Variants in DIABLO observed in about 807,000 individuals in gnomAD.
DIABLO encodes the protein diablo IAP-binding mitochondrial protein.
In DIABLO, 32 loss-of-function variants were observed where a neutral mutation model predicts 31.7. That is an observed-to-expected ratio of 1.01 (90% CI 0.76 to 1.35). The LOEUF (loss-of-function observed/expected upper bound fraction) is 1.35. Among genes scored for constraint, DIABLO ranks in the 40% most tolerant of loss-of-function variants. DIABLO has a pLI of 0.00. For missense variants in DIABLO, 316 were observed against 286.4 expected (o/e 1.10, Z -0.75); for synonymous variants, 132 against 103.2 (o/e 1.28, Z -1.69).
In DIABLO at chr12:122,209,482, G is replaced by A. The variant is rs370151957; in HGVS notation, c.524-905C>T. Among the ~76,000 whole-genome samples, 10 of 152,256 alleles carry A rather than the reference G, an allele frequency of 6.6e-5. 1 individual carries two copies. The South Asian group carries it at 1.5e-3, about 22-fold the overall frequency. On this transcript the variant is annotated intron_variant, in intron 5 of 5. Transcript: ENST00000464942. ...AGTTCAAGACCAGCCTGGGTAACAC[G>A]GTGAAACCCCGTTTCTACTAAAATA...
chr12:122,224,416 G>C, intron 2 of DIABLO, 96 bp downstream of exon 2: 3 of 1,599,462 alleles, frequency 1.9e-6, no homozygotes, highest in Non-Finnish European at 2.6e-6. Context: ...GGGAGCACTG[G>C]GAAAAACTAT....
At chr12:122,221,515 C>A (rs1340667603) in intron 2 of DIABLO, 1 of 152,142 alleles carries the variant, frequency 6.6e-6, no homozygotes, top group East Asian at 1.9e-4. Context: ...ATCAAATCAT[C>A]CTCCTGCCTC....
chr12:122,217,251 G>C (rs572148116), intron 3 of DIABLO: 1 of 290,044 alleles, frequency 3.4e-6, no homozygotes, highest in African/African-American at 2.2e-5. Context: ...AGTGGCTCAT[G>C]CCTGTAATCC....
In DIABLO at chr12:122,208,810, A is replaced by G. The variant is rs545040398; in HGVS notation, c.524-233T>C. 32 of 631,128 alleles carry G rather than the reference A, an allele frequency of 5.1e-5. No homozygotes were observed. In the East Asian group the frequency reaches 1.1e-3, roughly 21 times the overall value. The allele number at this position is 631,128 out of a possible 1,614,324, so 39.1% of individuals were successfully genotyped here. On this transcript the variant is annotated intron_variant, in intron 5 of 5. Coordinates refer to ENST00000464942, the MANE Select transcript of DIABLO (RefSeq NM_001371333.1). The stretch of plus-strand genomic sequence containing the variant: ...TCTTCAGCTGTCAGCGGCCAACATC[A>G]CAATTATTAAATGCAACTCTCACAA...
chr12:122,209,680 G>C (rs945210004), intron 5 of DIABLO: 1 of 672,684 alleles, frequency 1.5e-6, no homozygotes. Context: ...AAAAAAAAAT[G>C]AGCTCTCTCA....
rs878899967 is a variant in DIABLO at position 122,208,334 on chromosome 12, C to T, written c.*47G>A. ...AACCCTGGGCAGGGTGGCATCTGCC[C>T]CTGCTTTCCCCACTGAGTGGGGAGA... On this transcript the variant is annotated 3_prime_UTR_variant, in exon 6 of 6. Transcript: ENST00000464942. 1.2e-5 allele frequency: 19 copies of T among 1,605,622 alleles called. No homozygotes were observed. The South Asian group carries it at 2.0e-4, about 17-fold the overall frequency.
At chr12:122,213,367 C>T (rs549240213) in intron 5 of DIABLO, among the ~76,000 whole-genome samples, 2 of 151,804 alleles carry the variant, frequency 1.3e-5, no homozygotes, top group African/African-American at 2.4e-5. Flanking sequence ...CTGTCTCTAC[C>T]GGAAACATAT....
At chr12:122,214,096 A>G (rs963771413) in intron 5 of DIABLO, among the ~76,000 whole-genome samples, 1 of 152,116 alleles carries the variant, frequency 6.6e-6, no homozygotes, top group African/African-American at 2.4e-5. Context: ...AAAACAAACA[A>G]ACAAAAAAAC....
chr12:122,222,893 C>T (rs1156640141), intron 2 of DIABLO, among the ~76,000 whole-genome samples: 1 of 152,078 alleles, frequency 6.6e-6, no homozygotes, highest in Middle Eastern at 3.2e-3. Context: ...CAGCTTGCTT[C>T]CTAACAGGCC....
rs193228217 is a variant in DIABLO at position 122,222,476 on chromosome 12, G to A, written c.183+2036C>T. ...AAATTAGCAGGGTGTGGTGGCGGGC[G>A]CCTGTAGTCCCAGCTACTCGGGAGG... On this transcript the variant is annotated intron_variant, in intron 2 of 5. Transcript: ENST00000464942. 3.3e-3 allele frequency: 505 copies of A among 151,646 alleles called. 10 individuals carry two copies. Among genetic ancestry groups the A allele is most frequent in the Admixed American group, 0.029 (444 of 15,132 alleles). 9.4% of individuals were successfully genotyped at this position (151,646 alleles called of 1,614,324 possible).
upstream of DIABLO, chr12:122,226,300 A>G (rs751358863): frequency 1.4e-4 from 95 of 672,884 alleles, no homozygotes; most frequent in Non-Finnish European, 1.6e-4. Context: ...GGGCGCCGTG[A>G]CGCTGGCGGG....
At chr12:122,216,235 T>C (rs1184719913) in intron 5 of DIABLO, among the ~76,000 whole-genome samples, 5 of 152,254 alleles carry the variant, frequency 3.3e-5, no homozygotes. Flanking sequence ...CCAATGGTAA[T>C]AGTTTTATCA....
At chr12:122,210,630 T>TG (rs1954064896) in intron 5 of DIABLO, among the ~76,000 whole-genome samples, 1 of 149,918 alleles carries the variant, frequency 6.7e-6, no homozygotes, top group Admixed American at 6.6e-5. Flanking sequence ...CCACCCGCCT[T>TG]GGCCTCCCAA....
At chr12:122,226,922 C>A (rs1276669301), upstream of DIABLO, among the ~76,000 whole-genome samples, 3 of 152,226 alleles carry the variant, frequency 2.0e-5, no homozygotes, top group Non-Finnish European at 4.4e-5. Flanking sequence ...GTAAACCTTT[C>A]TTTTCCCGTC....
At chr12:122,210,518 G>A (rs957670092) in intron 5 of DIABLO, among the ~76,000 whole-genome samples, 1 of 151,620 alleles carries the variant, frequency 6.6e-6, no homozygotes, top group Non-Finnish European at 1.5e-5. Flanking sequence ...GACTACAGGT[G>A]CCCACCACCA....
upstream of DIABLO, chr12:122,226,214 C>T: frequency 2.3e-6 from 2 of 854,670 alleles, no homozygotes; most frequent in Non-Finnish European, 3.8e-6. Flanking sequence ...GGCAACCAAC[C>T]GCCGGAACTT....
At chr12:122,224,403 G>A in intron 2 of DIABLO, 109 bp downstream of exon 2, 1 of 1,538,448 alleles carries the variant, frequency 6.5e-7, no homozygotes, top group Non-Finnish European at 9.0e-7. Flanking sequence ...TGGGGGAAGG[G>A]ATGGGAGCAC....
At position 122,208,354 on chromosome 12, in the gene DIABLO, G is replaced by T. The variant is rs1157635684; in HGVS notation, c.*27C>A. ...CTGCCCCTGCTTTCCCCACTGAGTGGGGAGACAGGGCAGTGTGCTCAGGCC... is the reference window on the plus strand; with the variant it reads ...CTGCCCCTGCTTTCCCCACTGAGTGTGGAGACAGGGCAGTGTGCTCAGGCC... On this transcript the variant is annotated 3_prime_UTR_variant, in exon 6 of 6. Transcript: ENST00000464942. The T allele has an allele frequency of 6.2e-7, 1 of 1,610,178 alleles. No homozygotes were observed. The highest frequency in any genetic ancestry group is 8.5e-7 in the Non-Finnish European group (1 of 1,179,730).
chr12:122,223,690 A>G (rs117913579), intron 2 of DIABLO, among the ~76,000 whole-genome samples: 96 of 152,346 alleles, frequency 6.3e-4, no homozygotes, highest in Non-Finnish European at 9.1e-4. Flanking sequence ...ACCAGATAGT[A>G]TAATGGCTCT....
Sources: gnomAD v4.1 joint callset for allele counts (sites outside exome capture counted in the v4.1 genomes callset) on GRCh38, gnomAD v4.1.1 for gene constraint, MANE v1.5 for transcripts, NCBI Gene and HGNC (gene_info 2026-07-23, HGNC 2026-07-21) for gene names.